The following CERT1 variants were observed in gnomAD, a reference collection of about 807,000 sequenced individuals.
CERT1 encodes ceramide transfer protein.
Under a neutral mutation model 87.9 loss-of-function variants are expected in CERT1, and 31 were observed. That is an observed-to-expected ratio of 0.35 (90% CI 0.27 to 0.48). The LOEUF (loss-of-function observed/expected upper bound fraction) is 0.48, where lower values mean the gene tolerates loss of function less well. CERT1 is among the 20% of genes least tolerant of loss of function. The probability of loss-of-function intolerance (pLI) is 0.99; values close to 1 mark genes in which losing one functional copy is unlikely to be tolerated. For missense variants in CERT1, 487 were observed against 758.0 expected (o/e 0.64, Z 4.20); for synonymous variants, 289 against 250.9 (o/e 1.15, Z -1.44).
intron 3 of CERT1, among the ~76,000 whole-genome samples, chr5:75,427,547 C>T (rs1451954656): frequency 2.6e-5 from 4 of 152,092 alleles, no homozygotes; most frequent in Non-Finnish European, 4.4e-5. Flanking sequence ...TGCAGTGAGC[C>T]GAGATTACGC....
rs144482573 is a variant in CERT1, at chr5:75,411,303, T to TATG, written c.838-201_838-200insCAT. On this transcript the variant is annotated intron_variant, in intron 7 of 16. Coordinates refer to ENST00000643780, the MANE Select transcript of CERT1 (RefSeq NM_001379029.1). ...CTATAAATTACTTACAACCTACTAT[T>TATG]TATGTATGTATGTATGTATGTATTT... is the stretch of plus-strand genomic sequence containing the variant. Among the ~76,000 whole-genome samples, 172 of 151,930 alleles carry TATG rather than the reference T, an allele frequency of 1.1e-3. 2 individuals carry two copies. In the South Asian group the frequency reaches 0.035, roughly 30 times the overall value.
intron 2 of CERT1, among the ~76,000 whole-genome samples, chr5:75,497,954 T>C (rs1378043124): frequency 6.6e-6 from 1 of 152,138 alleles, no homozygotes; most frequent in Non-Finnish European, 1.5e-5. Flanking sequence ...TAGAGACTTG[T>C]TGAATAGCTT....
intron 17 of CERT1, chr5:75,371,563 G>T (rs1322231189): frequency 6.6e-6 from 1 of 151,966 alleles, no homozygotes; most frequent in Non-Finnish European, 1.5e-5. Flanking sequence ...CCCTCCTTTG[G>T]TTTAGCTACC....
chr5:75,447,467 TTTATTTA>T (rs1764594859), intron 3 of CERT1, among the ~76,000 whole-genome samples: 1 of 151,076 alleles, frequency 6.6e-6, no homozygotes. Context: ...TATTTATTTA[TTTATTTA>T]TTTTTTATTT....
At chr5:75,511,937 G>T (rs1768040146), upstream of CERT1, 7 of 1,021,758 alleles carry the variant, frequency 6.9e-6, no homozygotes, top group Middle Eastern at 6.6e-4. Flanking sequence ...CGCGGGGATC[G>T]CTTGTCCCCT....
chr5:75,511,968 G>A, upstream of CERT1: 4 of 685,604 alleles, frequency 5.8e-6, no homozygotes, highest in South Asian at 7.9e-5. Flanking sequence ...TCAGTCGGTG[G>A]GTGGGCTTCG....
chr5:75,409,409 A>C (rs1424778095), intron 8 of CERT1, among the ~76,000 whole-genome samples: 1 of 152,262 alleles, frequency 6.6e-6, no homozygotes, highest in Non-Finnish European at 1.5e-5. Context: ...TTCTAGAGCA[A>C]AAGTAGCAAG....
At chr5:75,437,768 T>TAAAAAAAAAAA (rs201506124) in intron 3 of CERT1, among the ~76,000 whole-genome samples, 1 of 110,684 alleles carries the variant, frequency 9.0e-6, no homozygotes, top group Non-Finnish European at 1.9e-5. Flanking sequence ...TCTGTCTCAT[T>TAAAAAAAAAAA]AAAAAAAAAA....
chr5:75,511,374 C>T lies in CERT1; in HGVS notation c.-167G>A. ...CGAAGTCCGCCCGCCGCGCCGCCGC[C>T]GCGCCTGACACCGAGCGGAGCGAGG... On this transcript the variant is annotated 5_prime_UTR_variant, in exon 1 of 17. Coordinates refer to ENST00000643780, the MANE Select transcript of CERT1 (RefSeq NM_001379029.1). 1.3e-6 allele frequency: 2 copies of T among 1,546,582 alleles called. No homozygotes were observed. The highest frequency in any genetic ancestry group is 1.4e-5 in the African/African-American group (1 of 73,048).
intron 14 of CERT1, 44 bp from the exon 15 acceptor site, chr5:75,382,121 A>T (rs1761612751): frequency 2.5e-6 from 4 of 1,576,242 alleles, no homozygotes; most frequent in Middle Eastern, 3.4e-4. Context: ...TCTAACATGG[A>T]ACTAACAAGA....
At chr5:75,387,656 C>A (rs1761853047) in intron 12 of CERT1, among the ~76,000 whole-genome samples, 1 of 151,130 alleles carries the variant, frequency 6.6e-6, no homozygotes, top group South Asian at 2.1e-4. Flanking sequence ...GCAGGAGAAT[C>A]ACTTGAACCC....
intron 3 of CERT1, among the ~76,000 whole-genome samples, chr5:75,434,420 C>T (rs980044141): frequency 6.6e-6 from 1 of 151,996 alleles, no homozygotes; most frequent in Non-Finnish European, 1.5e-5. Context: ...AGGATTTTTG[C>T]ATCTCAGTTT....
intron 7 of CERT1, among the ~76,000 whole-genome samples, chr5:75,413,561 G>A (rs1038489207): frequency 6.6e-6 from 1 of 152,026 alleles, no homozygotes; most frequent in Non-Finnish European, 1.5e-5. Flanking sequence ...GTATACTAAT[G>A]GCTGTGTCTG....
At chr5:75,415,588 T>C (rs1376806006) in intron 7 of CERT1, among the ~76,000 whole-genome samples, 1 of 152,194 alleles carries the variant, frequency 6.6e-6, no homozygotes, top group Non-Finnish European at 1.5e-5. Context: ...AAAATTATTT[T>C]AGGCAATGTG....
intron 2 of CERT1, among the ~76,000 whole-genome samples, chr5:75,469,342 A>C (rs1011274074): frequency 6.6e-6 from 1 of 152,170 alleles, no homozygotes; most frequent in South Asian, 2.1e-4. Context: ...CAAATTTTTG[A>C]GTCATTAGAG....
chr5:75,401,347 G>C (rs1247373655), intron 9 of CERT1: 1 of 152,170 alleles, frequency 6.6e-6, no homozygotes, highest in Non-Finnish European at 1.5e-5. Flanking sequence ...TAGCATTTTA[G>C]AGAGAAGAGA....
chr5:75,385,063 A>G (rs1761729987), intron 13 of CERT1, among the ~76,000 whole-genome samples: 1 of 152,130 alleles, frequency 6.6e-6, no homozygotes, highest in Non-Finnish European at 1.5e-5. Context: ...GTTATATCTA[A>G]TCTTAGGTGG....
At chr5:75,463,646 A>G (rs901768868) in intron 2 of CERT1, among the ~76,000 whole-genome samples, 1 of 152,204 alleles carries the variant, frequency 6.6e-6, no homozygotes, top group Non-Finnish European at 1.5e-5. Context: ...TTACCAAAAC[A>G]CCAGGGGTTT....
At chr5:75,483,717 A>G (rs1580836059) in intron 2 of CERT1, among the ~76,000 whole-genome samples, 1 of 152,260 alleles carries the variant, frequency 6.6e-6, no homozygotes, top group East Asian at 1.9e-4. Context: ...TTTATCTTAG[A>G]ATAGTATATC....
Sources: gnomAD v4.1 joint callset for allele counts (sites outside exome capture counted in the v4.1 genomes callset) on GRCh38, gnomAD v4.1.1 for gene constraint, MANE v1.5 for transcripts, NCBI Gene and HGNC (gene_info 2026-07-23, HGNC 2026-07-21) for gene names.